NUP62: variants seen among roughly 807,000 people sequenced by gnomAD.
NUP62 encodes the protein nucleoporin 62, also known as nuclear pore glycoprotein p62.
For missense variants in NUP62, 647 were observed against 689.4 expected (o/e 0.94, Z 0.69); for synonymous variants, 305 against 303.4 (o/e 1.01, Z -0.05).
At chr19:49,917,436 C>T (rs944355961) in intron 2 of NUP62, among the ~76,000 whole-genome samples, 7 of 152,228 alleles carry the variant, frequency 4.6e-5, no homozygotes, top group Admixed American at 3.9e-4. Flanking sequence ...AATAACAGAT[C>T]AGCTCCAAGT....
chr19:49,927,300 C>A (rs983820199), intron 2 of NUP62, among the ~76,000 whole-genome samples: 2 of 152,050 alleles, frequency 1.3e-5, no homozygotes, highest in Non-Finnish European at 2.9e-5. Flanking sequence ...AGAGTCTATG[C>A]CAGGTATGTA....
Position 49,909,032 on chromosome 19 carries a change from T to C in NUP62, c.776A>G (p.Lys259Arg). 6.2e-7 allele frequency: 1 copy of C among 1,613,092 alleles called. No individual in the cohort carries two copies. The highest frequency in any genetic ancestry group is 8.5e-7 in the Non-Finnish European group (1 of 1,179,982). ...PTAGTQGFSL[K>R]APGAASGTST... ...GGTGCCGGAAGCTGCTCCAGGTGCC[T>C]TTAAGCTGAAGCCCTGTGTCCCAGC... is the stretch of plus-strand genomic sequence containing the variant. Residue 259 changes from lysine (K) to arginine (R), a missense_variant, in exon 3 of 3, where the codon AAG becomes AGG. Lys to Arg is a conservative substitution (Grantham distance 26). Transcript: ENST00000352066.
At chr19:49,918,934 G>T (rs949210978) in intron 2 of NUP62, among the ~76,000 whole-genome samples, 4 of 148,056 alleles carry the variant, frequency 2.7e-5, no homozygotes, top group African/African-American at 1.0e-4. Context: ...CGGATCACCT[G>T]AGGTCGGGAG....
At position 49,909,870 on chromosome 19, in the gene NUP62, G is replaced by T; in HGVS notation, c.-63C>A. ...CAAAGCAAATCCGTCGGTGTCTGCA[G>T]CCTTGGGAAGATTTCTAAAGCAGAG... is the stretch of plus-strand genomic sequence containing the variant. On this transcript the variant is annotated 5_prime_UTR_variant, in exon 3 of 3. In the 5' UTR this introduces an upstream ATG that the reference lacks. Coordinates refer to ENST00000352066, the MANE Select transcript of NUP62 (RefSeq NM_016553.5). 2 of 1,549,474 alleles carry T rather than the reference G, an allele frequency of 1.3e-6. No homozygotes were observed. Among genetic ancestry groups the T allele is most frequent in the Non-Finnish European group, 1.8e-6 (2 of 1,126,084 alleles).
rs1428201684 is a variant in NUP62 at position 49,907,615 on chromosome 19, C to T, written c.*624G>A. ...GCAGTGGTGTGATCTTGGTTCACTG[C>T]AACACCTCCTGGGTTCAAGTGATTC... On this transcript the variant is annotated 3_prime_UTR_variant, in exon 3 of 3. Coordinates refer to ENST00000352066, the MANE Select transcript of NUP62 (RefSeq NM_016553.5). 2.5e-6 allele frequency: 1 copy of T among 398,446 alleles called. No homozygotes were observed. The highest frequency in any genetic ancestry group is 7.5e-5 in the East Asian group (1 of 13,304). 24.7% of individuals were successfully genotyped at this position (398,446 alleles called of 1,614,324 possible).
rs942928991 is a variant in NUP62, at chr19:49,907,885, C to T, written c.*354G>A. 1 of 401,748 alleles carries T rather than the reference C, an allele frequency of 2.5e-6. No homozygotes were observed. Among genetic ancestry groups the T allele is most frequent in the Admixed American group, 4.0e-5 (1 of 24,922 alleles). 24.9% of individuals were successfully genotyped at this position (401,748 alleles called of 1,614,324 possible). On this transcript the variant is annotated 3_prime_UTR_variant, in exon 3 of 3. Transcript: ENST00000352066. ...TTTTTTCATGACACCTATGACTATG[C>T]TTTGGAGAGAGTGGCTGCCCCCACG...
chr19:49,909,362 A>C lies in NUP62; in HGVS notation c.446T>G (p.Val149Gly). Residue 149 changes from valine to glycine, a missense_variant, in exon 3 of 3, where the codon GTG (valine) becomes GGG (glycine). Val to Gly is a moderately radical substitution (Grantham distance 109). Coordinates refer to ENST00000352066, the MANE Select transcript of NUP62 (RefSeq NM_016553.5). ...GFVFGPSTTS[V>G]APATTSGGFS... The stretch of plus-strand genomic sequence containing the variant: ...GCCTCCAGATGTGGTAGCTGGAGCC[A>C]CAGAGGTGGTGGAGGGGCCAAACAC... The C allele has an allele frequency of 1.2e-6, 2 of 1,613,594 alleles. No individual in the cohort carries two copies. Among genetic ancestry groups the C allele is most frequent in the South Asian group, 2.2e-5 (2 of 91,066 alleles).
chr19:49,926,205 T>A, intron 2 of NUP62, among the ~76,000 whole-genome samples: 2 of 90,700 alleles, frequency 2.2e-5, no homozygotes, highest in Admixed American at 1.3e-4. Context: ...CGAGACTCTG[T>A]CTCAAAAAAA....
At position 49,909,287 on chromosome 19, in the gene NUP62, C is replaced by T. The variant is rs2075400385; in HGVS notation, c.521G>A (p.Gly174Asp). The T allele has an allele frequency of 6.2e-7, 1 of 1,613,880 alleles. No individual in the cohort carries two copies. The highest frequency in any genetic ancestry group is 8.5e-7 in the Non-Finnish European group (1 of 1,180,008). Residue 174 changes from glycine (G) to aspartate (D), a missense_variant, in exon 3 of 3, where the codon GGC (glycine) becomes GAC (aspartate). Gly to Asp is a moderately conservative substitution (Grantham distance 94). Transcript: ENST00000352066. ...GGGCTGGGCTGAATTCCCTGCTGAG[C>T]CAATGTTGAAACCGGAGGGTTGGGC... ...STAQPSGFNI[G>D]SAGNSAQPTA...
chr19:49,909,324 C>T lies in NUP62; in HGVS notation c.484G>A (p.Gly162Ser). 6.2e-7 allele frequency: 1 copy of T among 1,613,998 alleles called. No homozygotes were observed. Among genetic ancestry groups the T allele is most frequent in the African/African-American group, 1.3e-5 (1 of 75,004 alleles). The change falls in exon 3 of 3, where the codon GGT becomes AGT. Residue 162 changes from glycine to serine, a missense_variant. Coordinates refer to ENST00000352066, the MANE Select transcript of NUP62 (RefSeq NM_016553.5). ...CCGGAGGGTTGGGCCGTGCTTCCAC[C>T]AGTGAATGAGAAGCCTCCAGATGTG... ...ATTSGGFSFT[G>S]GSTAQPSGFN...
Position 49,908,774 on chromosome 19 carries a change from T to C in NUP62, c.1034A>G (p.Glu345Gly). Residue 345 changes from glutamate to glycine, a missense_variant, in exon 3 of 3, where the codon GAG becomes GGG. Coordinates refer to ENST00000352066, the MANE Select transcript of NUP62 (RefSeq NM_016553.5). ...CTGGAGGAAGTGCCGCTCCTGGTCC[T>C]CTAGCTCCAGGCTCCATTTGTTGAT... ...SLINKWSLEL[E>G]DQERHFLQQA... 6.2e-7 allele frequency: 1 copy of C among 1,613,806 alleles called. No homozygotes were observed. The highest frequency in any genetic ancestry group is 2.2e-5 in the East Asian group (1 of 44,890).
chr19:49,918,246 G>A (rs541267031), intron 2 of NUP62, among the ~76,000 whole-genome samples: 1 of 152,002 alleles, frequency 6.6e-6, no homozygotes, highest in Admixed American at 6.6e-5. Context: ...TCGATTTTTT[G>A]TAGAGATGGG....
In NUP62 at chr19:49,908,453, T is replaced by C; in HGVS notation, c.1355A>G (p.Lys452Arg). 6.2e-7 allele frequency: 1 copy of C among 1,614,152 alleles called. No homozygotes were observed. Among genetic ancestry groups the C allele is most frequent in the Non-Finnish European group, 8.5e-7 (1 of 1,180,038 alleles). ...AQLKRMAQDL[K>R]DIIEHLNTSG... ...CGTGTTCAGGTGCTCGATGATGTCC[T>C]TGAGATCCTGGGCCATGCGCTTGAG... The change falls in exon 3 of 3, where the codon AAG becomes AGG. Residue 452 changes from lysine (K) to arginine (R), a missense_variant. Physicochemically the swap from Lys to Arg is conservative, Grantham distance 26 (BLOSUM62 2). Transcript: ENST00000352066.
intron 2 of NUP62, among the ~76,000 whole-genome samples, chr19:49,925,209 C>T (rs996610525): frequency 1.3e-5 from 2 of 151,912 alleles, no homozygotes; most frequent in Non-Finnish European, 2.9e-5. Context: ...TGCGGTGAGC[C>T]GAGATGGCAC....
rs1002163323 is a variant in NUP62, at chr19:49,914,615, G to C, written c.-77-4731C>G. Among the ~76,000 whole-genome samples the C allele has an allele frequency of 6.6e-5, 10 of 151,842 alleles. No homozygotes were observed. In the East Asian group the frequency reaches 1.9e-3, roughly 29 times the overall value. On this transcript the variant is annotated intron_variant, in intron 2 of 2. Transcript: ENST00000352066. The stretch of plus-strand genomic sequence containing the variant: ...TGCGGAATCATCTGAATTCAGGTGG[G>C]CATATCCCACCCCCATCTGTGAGAA...
intron 2 of NUP62, among the ~76,000 whole-genome samples, chr19:49,912,218 G>A (rs980641735): frequency 7.1e-6 from 1 of 140,768 alleles, no homozygotes; most frequent in Non-Finnish European, 1.5e-5. Flanking sequence ...TGCCCAGGCT[G>A]GAGTGGAATG....
At position 49,908,646 on chromosome 19, in the gene NUP62, T is replaced by A; in HGVS notation, c.1162A>T (p.Arg388Trp). The change falls in exon 3 of 3, where the codon AGG becomes TGG. Residue 388 changes from arginine (R) to tryptophan (W), a missense_variant. Arg to Trp is a moderately radical substitution (Grantham distance 101). Transcript: ENST00000352066. ...ATGAAGTCGAGCTCCTGGTCCAGCC[T>A]CTTCTGGTCCAGCTTCACCTTCTCC... ...EVEKVKLDQK[R>W]LDQELDFILS... 1 of 1,612,962 alleles carries A rather than the reference T, an allele frequency of 6.2e-7. No individual in the cohort carries two copies.
intron 2 of NUP62, among the ~76,000 whole-genome samples, chr19:49,911,989 T>C (rs1174263109): frequency 6.6e-6 from 1 of 152,198 alleles, no homozygotes; most frequent in Non-Finnish European, 1.5e-5. Flanking sequence ...TAAAGGCATC[T>C]GAGCAGCTAC....
At chr19:49,925,325 G>C (rs1035226417) in intron 2 of NUP62, among the ~76,000 whole-genome samples, 1 of 151,662 alleles carries the variant, frequency 6.6e-6, no homozygotes, top group African/African-American at 2.4e-5. Flanking sequence ...CAGTGGCTCA[G>C]GCTTGTAATC....
Sources: allele counts gnomAD v4.1 joint callset (sites outside exome capture counted in the v4.1 genomes callset), GRCh38; gene constraint gnomAD v4.1.1; transcripts MANE v1.5; gene names NCBI Gene and HGNC (gene_info 2026-07-23, HGNC 2026-07-21).